Variants in ADORA1 observed in about 807,000 individuals in gnomAD.
ADORA1 encodes the protein adenosine receptor A1.
A neutral mutation model predicts 19.9 loss-of-function variants in ADORA1; 6 were observed. That is an observed-to-expected ratio of 0.30 (90% CI 0.17 to 0.59). The LOEUF is 0.59. Ranked by LOEUF, ADORA1 falls within the 20% of genes least tolerant of loss-of-function variation. The probability of loss-of-function intolerance (pLI) is 0.87; values close to 1 mark genes in which losing one functional copy is unlikely to be tolerated. For missense variants in ADORA1, 302 were observed against 439.2 expected (o/e 0.69, Z 2.79); for synonymous variants, 194 against 188.4 (o/e 1.03, Z -0.24).
At chr1:203,157,426 A>C (rs79847384) in intron 3 of ADORA1, among the ~76,000 whole-genome samples, 9 of 152,366 alleles carry the variant, frequency 5.9e-5, no homozygotes, top group African/African-American at 2.2e-4. Context: ...CCTCCTGGAC[A>C]TATTGGCTCT....
intron 3 of ADORA1, among the ~76,000 whole-genome samples, chr1:203,141,879 G>A (rs571352699): frequency 2.6e-5 from 4 of 152,096 alleles, no homozygotes; most frequent in Non-Finnish European, 5.9e-5. Flanking sequence ...CACCACACCC[G>A]GCCTAACCTG....
At chr1:203,143,575 T>A (rs1654766843) in intron 3 of ADORA1, among the ~76,000 whole-genome samples, 1 of 149,432 alleles carries the variant, frequency 6.7e-6, no homozygotes, top group Non-Finnish European at 1.5e-5. Context: ...GTGCAGGGGG[T>A]TATAGCTTTT....
intron 3 of ADORA1, among the ~76,000 whole-genome samples, chr1:203,156,616 A>G (rs1655206546): frequency 6.6e-6 from 1 of 152,206 alleles, no homozygotes; most frequent in South Asian, 2.1e-4. Context: ...TGGTCAGGAT[A>G]AAAACCAGAC....
At chr1:203,159,226 C>T (rs560278672) in intron 3 of ADORA1, among the ~76,000 whole-genome samples, 1 of 152,382 alleles carries the variant, frequency 6.6e-6, no homozygotes, top group East Asian at 1.9e-4. Context: ...TGCCTTCCAT[C>T]ATTCCCTGCT....
At chr1:203,159,960 T>G (rs1655310171) in intron 3 of ADORA1, among the ~76,000 whole-genome samples, 1 of 152,198 alleles carries the variant, frequency 6.6e-6, no homozygotes, top group African/African-American at 2.4e-5. Context: ...TCCTCACAAC[T>G]ACTTAGTCCA....
chr1:203,133,810 C>T (rs374432487), intron 3 of ADORA1, among the ~76,000 whole-genome samples: 3 of 152,320 alleles, frequency 2.0e-5, no homozygotes, highest in Non-Finnish European at 1.5e-5. Context: ...AGGAGCTCGG[C>T]GTGCTGAGCC....
intron 3 of ADORA1, among the ~76,000 whole-genome samples, chr1:203,164,583 T>C (rs573379604): frequency 4.0e-4 from 61 of 151,952 alleles, no homozygotes; most frequent in African/African-American, 1.4e-3. Flanking sequence ...TGCTGCACAG[T>C]GATTGGAAGG....
chr1:203,154,781 C>T (rs545709622), intron 3 of ADORA1, among the ~76,000 whole-genome samples: 1 of 152,286 alleles, frequency 6.6e-6, no homozygotes, highest in Non-Finnish European at 1.5e-5. Context: ...AGGGCAGGGC[C>T]AGGAGAGAAA....
At chr1:203,142,369 A>C (rs1202277971) in intron 3 of ADORA1, among the ~76,000 whole-genome samples, 1 of 152,174 alleles carries the variant, frequency 6.6e-6, no homozygotes, top group Non-Finnish European at 1.5e-5. Context: ...TCTGACTGGC[A>C]CTTAGTAGGT....
chr1:203,149,292 T>C (rs528276087), intron 3 of ADORA1, among the ~76,000 whole-genome samples: 1 of 152,226 alleles, frequency 6.6e-6, no homozygotes, highest in Non-Finnish European at 1.5e-5. Context: ...CATCATGAGT[T>C]TCCCCCATCC....
intron 3 of ADORA1, among the ~76,000 whole-genome samples, chr1:203,160,811 T>TTAAA (rs774829896): frequency 1.1e-4 from 16 of 152,216 alleles, no homozygotes; most frequent in Non-Finnish European, 2.4e-4. Context: ...AGCCTATCTC[T>TTAAA]TAAATAAATA....
At chr1:203,140,604 C>A (rs1056814946) in intron 3 of ADORA1, among the ~76,000 whole-genome samples, 1 of 152,330 alleles carries the variant, frequency 6.6e-6, no homozygotes, top group Admixed American at 6.5e-5. Flanking sequence ...TTACCTCACA[C>A]AGCCTCATAG....
chr1:203,150,918 C>A, intron 3 of ADORA1: 1 of 767,988 alleles, frequency 1.3e-6, no homozygotes, highest in South Asian at 1.7e-5. Flanking sequence ...CTCCTCAGAG[C>A]ACAGCATCCC....
rs1571776973 is a variant in ADORA1 at position 203,128,761 on chromosome 1, T to A, written c.-57-24T>A. On this transcript the variant is annotated intron_variant, in intron 2 of 3. Coordinates refer to ENST00000337894, the MANE Select transcript of ADORA1 (RefSeq NM_000674.3). This position sits in a 1 kb window ranked among gnomAD's most constrained non-coding sequence, Gnocchi z 5.9. ...TGCCCCTCCCAGACGGGTCTCCCCA[T>A]CCCAGGCTTCCCTGACCACACAGGT... is the stretch of plus-strand genomic sequence containing the variant. 2 of 1,520,004 alleles carry A rather than the reference T, an allele frequency of 1.3e-6. No homozygotes were observed. The highest frequency in any genetic ancestry group is 4.5e-5 in the East Asian group (2 of 44,156). 94.2% of individuals were successfully genotyped at this position (1,520,004 alleles called of 1,614,324 possible).
At chr1:203,142,886 G>A (rs2102745925) in intron 3 of ADORA1, among the ~76,000 whole-genome samples, 1 of 152,194 alleles carries the variant, frequency 6.6e-6, no homozygotes, top group East Asian at 1.9e-4. Flanking sequence ...AGTGTGTTTG[G>A]GGACTCAGCA....
rs1654198015 is a variant in ADORA1, at chr1:203,127,811, C to G, written c.-330C>G. The G allele has an allele frequency of 6.6e-6, 1 of 152,572 alleles. No homozygotes were observed. Among genetic ancestry groups the G allele is most frequent in the Non-Finnish European group, 1.5e-5 (1 of 68,318 alleles). The allele number at this position is 152,572 out of a possible 1,614,324, so 9.5% of individuals were successfully genotyped here. The stretch of plus-strand genomic sequence containing the variant: ...TACCATCCCTCTGGAGCTTACCGGC[C>G]GGCCTTGGCTTCCCCAGGAATCCCT... On this transcript the variant is annotated 5_prime_UTR_variant, in exon 1 of 4. Coordinates refer to ENST00000337894, the MANE Select transcript of ADORA1 (RefSeq NM_000674.3).
intron 3 of ADORA1, among the ~76,000 whole-genome samples, chr1:203,138,798 G>T (rs1329051249): frequency 6.6e-6 from 1 of 152,140 alleles, no homozygotes; most frequent in Non-Finnish European, 1.5e-5. Context: ...GAAACGAGCT[G>T]TCTTACTCTG....
intron 3 of ADORA1, among the ~76,000 whole-genome samples, chr1:203,147,355 G>A (rs749653169): frequency 6.6e-6 from 1 of 152,132 alleles, no homozygotes; most frequent in Non-Finnish European, 1.5e-5. Context: ...TCCATTAAGA[G>A]AAACTGGTCA....
intron 3 of ADORA1, among the ~76,000 whole-genome samples, chr1:203,140,797 C>T (rs908743345): frequency 2.6e-5 from 4 of 152,300 alleles, no homozygotes; most frequent in South Asian, 2.1e-4. Context: ...TTGGGGGGCT[C>T]ACTGGCTAGG....
Sources: allele counts gnomAD v4.1 joint callset (sites outside exome capture counted in the v4.1 genomes callset), GRCh38; gene constraint gnomAD v4.1.1; non-coding constraint Gnocchi (gnomAD v3.1); transcripts MANE v1.5; gene names NCBI Gene and HGNC (gene_info 2026-07-23, HGNC 2026-07-21).